Variants in CCDC102A observed in about 807,000 individuals in gnomAD.
CCDC102A encodes coiled-coil domain-containing protein 102A.
A neutral mutation model predicts 55.5 loss-of-function variants in CCDC102A; 40 were observed. The ratio of observed to expected loss-of-function variants is 0.72; its 90% CI spans 0.56 to 0.94. CCDC102A has a LOEUF of 0.94. CCDC102A is among the 40% of genes least tolerant of loss of function. CCDC102A has a pLI of 0.00. For synonymous variants in CCDC102A, 323 were observed against 339.0 expected, an observed-to-expected ratio of 0.95 and a Z score of 0.52; for missense variants, 779 against 768.6, an observed-to-expected ratio of 1.01 and a Z score of -0.16.
At chr16:57,527,329 C>T (rs2032153545) in intron 2 of CCDC102A, among the ~76,000 whole-genome samples, 1 of 152,122 alleles carries the variant, frequency 6.6e-6, no homozygotes, top group Admixed American at 6.5e-5. Flanking sequence ...AATGCAGCAG[C>T]CATCCTGATT....
intron 1 of CCDC102A, among the ~76,000 whole-genome samples, chr16:57,534,910 C>T (rs773886962): frequency 2.6e-5 from 4 of 152,212 alleles, no homozygotes; most frequent in Admixed American, 6.5e-5. Context: ...TTGTCCTCAG[C>T]ATGTTTGGAT....
rs748577402 is a variant in CCDC102A at position 57,515,419 on chromosome 16, C to T, written c.1445G>A (p.Arg482His). ...CTCGTCCAGCGACCGCTGCAGCTTA[C>T]GTGCCTGGTTGTGGGCCTCGTCCAG... ...DELDEAHNQA[R>H]KLQRSLDEQT... The change falls in exon 8 of 9, where the codon CGT becomes CAT. Residue 482 changes from arginine (R) to histidine (H), a missense_variant. By Grantham distance (29) the Arg-to-His change is conservative. Transcript: ENST00000258214. The T allele has an allele frequency of 3.7e-6, 6 of 1,607,374 alleles. No homozygotes were observed. The highest frequency in any genetic ancestry group is 1.7e-5 in the Admixed American group (1 of 59,532).
At chr16:57,521,594 G>A (rs548959934) in intron 3 of CCDC102A, among the ~76,000 whole-genome samples, 1 of 152,348 alleles carries the variant, frequency 6.6e-6, no homozygotes, top group East Asian at 1.9e-4. Context: ...TGTAGACTAT[G>A]TTCCCTGCAA....
In CCDC102A at chr16:57,512,305, C is replaced by T. The variant is rs1359039315; in HGVS notation, c.*436G>A. ...GCCATACTTTCAGATGCCCCAAGAA[C>T]TTGAACTTCATTTATTACAAATAAC... On this transcript the variant is annotated 3_prime_UTR_variant, in exon 9 of 9. Transcript: ENST00000258214. 3 of 398,132 alleles carry T rather than the reference C, an allele frequency of 7.5e-6. No individual in the cohort carries two copies. The highest frequency in any genetic ancestry group is 4.1e-5 in the African/African-American group (2 of 48,604). The allele number at this position is 398,132 out of a possible 1,614,324, so 24.7% of individuals were successfully genotyped here.
chr16:57,536,079 A>G (rs1450348141), intron 1 of CCDC102A, among the ~76,000 whole-genome samples: 1 of 144,254 alleles, frequency 6.9e-6, no homozygotes, highest in East Asian at 2.3e-4. Flanking sequence ...CATGGCCCCC[A>G]TTGGCAGTCG....
In CCDC102A at chr16:57,528,577, C is replaced by A; in HGVS notation, c.585+16G>T. On this transcript the variant is annotated intron_variant, in intron 2 of 8. Transcript: ENST00000258214. ...CTTCGAGACTGGAGCGCGAACGCCCCGCCCGCGCCGCGCACCTGGCTGCCT... is the reference window on the plus strand; with the variant it reads ...CTTCGAGACTGGAGCGCGAACGCCCAGCCCGCGCCGCGCACCTGGCTGCCT... 8.1e-7 allele frequency: 1 copy of A among 1,230,400 alleles called. No individual in the cohort carries two copies. The highest frequency in any genetic ancestry group is 1.0e-6 in the Non-Finnish European group (1 of 979,238). The allele number at this position is 1,230,400 out of a possible 1,614,324, so 76.2% of individuals were successfully genotyped here. A position where few individuals can be genotyped will look rare whatever the true frequency, so the allele number is the denominator to read the frequency against.
chr16:57,512,906 T>A, intron 8 of CCDC102A, 36 bp from the exon 9 acceptor site: 1 of 1,591,986 alleles, frequency 6.3e-7, no homozygotes, highest in Non-Finnish European at 8.6e-7. Context: ...TAGAGCAGCC[T>A]GGCTGGTAGT....
At chr16:57,535,441 A>G (rs1013436433) in intron 1 of CCDC102A, among the ~76,000 whole-genome samples, 1 of 152,158 alleles carries the variant, frequency 6.6e-6, no homozygotes, top group African/African-American at 2.4e-5. Context: ...GTCTGTGTCC[A>G]CACCGCGGAC....
Position 57,528,633 on chromosome 16 carries a change from G to A in CCDC102A, c.545C>T (p.Pro182Leu). The change falls in exon 2 of 9, where the codon CCA (proline) becomes CTA (leucine). Residue 182 changes from proline (P) to leucine (L), a missense_variant. Coordinates refer to ENST00000258214, the MANE Select transcript of CCDC102A (RefSeq NM_033212.4). ...CCTCTCGGACCCGACGTCACGCACT[G>A]GCTCGCGCTCCGCTTCCGGCTCGGG... ...DGPEPEAEREPVRDVGSERPP... is the reference protein window; with the variant it reads ...DGPEPEAERELVRDVGSERPP... 1 of 1,235,094 alleles carries A rather than the reference G, an allele frequency of 8.1e-7. No homozygotes were observed. The highest frequency in any genetic ancestry group is 1.0e-6 in the Non-Finnish European group (1 of 981,148). 76.5% of individuals were successfully genotyped at this position (1,235,094 alleles called of 1,614,324 possible).
chr16:57,527,700 G>A (rs1228355367), intron 2 of CCDC102A, among the ~76,000 whole-genome samples: 1 of 152,182 alleles, frequency 6.6e-6, no homozygotes, highest in Non-Finnish European at 1.5e-5. Flanking sequence ...GATTACAGGC[G>A]TGAACCACCA....
intron 2 of CCDC102A, among the ~76,000 whole-genome samples, chr16:57,527,048 G>C (rs2032149774): frequency 6.6e-6 from 1 of 152,240 alleles, no homozygotes; most frequent in African/African-American, 2.4e-5. Context: ...GACAGGAACA[G>C]CATTGTGCGC....
intron 2 of CCDC102A, 48 bp downstream of exon 2, chr16:57,528,545 C>T (rs747423594): frequency 8.7e-7 from 1 of 1,152,774 alleles, no homozygotes; most frequent in Non-Finnish European, 1.1e-6. Context: ...ACAATCGGCC[C>T]CGCCCACTTC....
Position 57,529,767 on chromosome 16 carries a change from A to G in CCDC102A, c.-147-443T>C, listed in dbSNP as rs1315104724. Among the ~76,000 whole-genome samples the G allele has an allele frequency of 6.6e-6, 1 of 152,172 alleles. No homozygotes were observed. The highest frequency in any genetic ancestry group is 1.5e-5 in the Non-Finnish European group (1 of 68,026). ...AAGCCCTCCTGGAGCACTTCAGGCC[A>G]GGTCCATCAGCCCCTTATGTGTCTC... On this transcript the variant is annotated intron_variant, in intron 1 of 8. Coordinates refer to ENST00000258214, the MANE Select transcript of CCDC102A (RefSeq NM_033212.4). This position sits in a 1 kb window ranked among gnomAD's most constrained non-coding sequence, Gnocchi z 4.1.
Position 57,516,334 on chromosome 16 carries a change from C to A in CCDC102A, c.1378G>T (p.Val460Leu), listed in dbSNP as rs759708455. The part of the protein sequence containing the change: ...EAEVKKLRLR[V>L]EELKKELAQA... ...GCCAGCTCCTTCTTGAGCTCCTCCA[C>A]CCGCAGCCGCAGCTTCTTCACCTCA... is the stretch of plus-strand genomic sequence containing the variant. The change falls in exon 7 of 9, where the codon GTG (valine) becomes TTG (leucine). Residue 460 changes from valine (V) to leucine (L), a missense_variant. Transcript: ENST00000258214. The surrounding 1 kb of genome is among the most constrained non-coding windows in gnomAD (Gnocchi z 4.4). 10 of 1,607,676 alleles carry A rather than the reference C, an allele frequency of 6.2e-6. No homozygotes were observed. In the South Asian group the frequency reaches 1.1e-4, roughly 18 times the overall value.
At chr16:57,523,593 G>A (rs984057915) in intron 3 of CCDC102A, among the ~76,000 whole-genome samples, 2 of 151,342 alleles carry the variant, frequency 1.3e-5, no homozygotes, top group African/African-American at 2.4e-5. Context: ...CGATCCTCCC[G>A]CCTCAGCCTT....
chr16:57,515,363 G>T lies in CCDC102A; in HGVS notation c.1501C>A (p.Gln501Lys). ...QTEQSENLQV[Q>K]LEHLQSRLRR... ...CACCTGGACTGCAGGTGCTCCAGTT[G>T]CACTTGCAGGTTCTCGCTCTGCTCC... is the stretch of plus-strand genomic sequence containing the variant. The change falls in exon 8 of 9, where the codon CAA (glutamine) becomes AAA (lysine). Residue 501 changes from glutamine to lysine, a missense_variant. Gln to Lys is a moderately conservative substitution (Grantham distance 53, BLOSUM62 1). Coordinates refer to ENST00000258214, the MANE Select transcript of CCDC102A (RefSeq NM_033212.4). 1 of 1,604,550 alleles carries T rather than the reference G, an allele frequency of 6.2e-7. No individual in the cohort carries two copies. Among genetic ancestry groups the T allele is most frequent in the Non-Finnish European group, 8.5e-7 (1 of 1,175,930 alleles).
chr16:57,524,561 A>G (rs1283234218), intron 3 of CCDC102A, among the ~76,000 whole-genome samples: 1 of 145,356 alleles, frequency 6.9e-6, no homozygotes, highest in Non-Finnish European at 1.5e-5. Flanking sequence ...TGGCTGACAG[A>G]GTGAGGCTCT....
chr16:57,512,513 TGCGCGCGC>T lies in CCDC102A; in HGVS notation c.*220_*227del, dbSNP rs540553651. 3 of 429,788 alleles carry T rather than the reference TGCGCGCGC, an allele frequency of 7.0e-6. No homozygotes were observed. Among genetic ancestry groups the T allele is most frequent in the South Asian group, 6.6e-5 (1 of 15,198 alleles). The allele number at this position is 429,788 out of a possible 1,614,324, so 26.6% of individuals were successfully genotyped here. A position where few individuals can be genotyped will look rare whatever the true frequency, so the allele number is the denominator to read the frequency against. On this transcript the variant is annotated 3_prime_UTR_variant, in exon 9 of 9. Coordinates refer to ENST00000258214, the MANE Select transcript of CCDC102A (RefSeq NM_033212.4). Reference sequence around the variant, plus strand: ...AAATGGGTCCAAAGACTTCTGGGTGTGCGCGCGCGCGCGCGCGTGTGTGTATATATATA... The same window carrying T: ...AAATGGGTCCAAAGACTTCTGGGTGTGCGCGCGCGTGTGTGTATATATATA...
intron 3 of CCDC102A, among the ~76,000 whole-genome samples, chr16:57,525,695 C>A (rs2032126917): frequency 6.6e-6 from 1 of 152,198 alleles, no homozygotes; most frequent in South Asian, 2.1e-4. Flanking sequence ...AGTGCCTGGC[C>A]CAGAACAGGT....
Sources: allele counts gnomAD v4.1 joint callset (sites outside exome capture counted in the v4.1 genomes callset), GRCh38; gene constraint gnomAD v4.1.1; non-coding constraint Gnocchi (gnomAD v3.1); transcripts MANE v1.5; gene names NCBI Gene and HGNC (gene_info 2026-07-23, HGNC 2026-07-21).